The following SIPA1L1 variants were observed in gnomAD, a reference collection of about 807,000 sequenced individuals.
SIPA1L1 encodes signal induced proliferation associated 1 like 1.
Under a neutral mutation model 162.7 loss-of-function variants are expected in SIPA1L1, and 26 were observed. That is an observed-to-expected ratio of 0.16 (90% confidence interval 0.12 to 0.22). The LOEUF (loss-of-function observed/expected upper bound fraction) is 0.22, where lower values mean the gene tolerates loss of function less well. Among genes scored for constraint, SIPA1L1 ranks in the 10% least tolerant of loss-of-function variants. SIPA1L1 has a pLI of 1.00. For synonymous variants in SIPA1L1, 829 were observed against 837.4 expected (o/e 0.99, Z 0.17); for missense variants, 1,874 against 2,241.0 (o/e 0.84, Z 3.31).
intron 2 of SIPA1L1, among the ~76,000 whole-genome samples, chr14:71,479,352 T>TGTATGTAC (rs1322435640): frequency 6.6e-6 from 1 of 151,674 alleles, no homozygotes; most frequent in Non-Finnish European, 1.5e-5. Context: ...TATGTATGTA[T>TGTATGTAC]GTATGTATGT....
In SIPA1L1 at chr14:71,510,359, T is replaced by G. The variant is rs574986759; in HGVS notation, c.-464-2384T>G. The stretch of plus-strand genomic sequence containing the variant: ...CCGCCACCACGCCCAGCTAATTTTT[T>G]GTATTTTTAGTAGAGACAGGGTTTC... On this transcript the variant is annotated intron_variant, in intron 2 of 23. Transcript: ENST00000381232. 2.5e-4 allele frequency among the ~76,000 whole-genome samples: 38 copies of G among 151,904 alleles called. 1 individual carries two copies. In the South Asian group the frequency reaches 7.7e-3, roughly 31 times the overall value.
At chr14:71,501,042 C>T (rs778886100) in intron 2 of SIPA1L1, among the ~76,000 whole-genome samples, 7 of 148,406 alleles carry the variant, frequency 4.7e-5, no homozygotes, top group Admixed American at 1.3e-4. Flanking sequence ...TAAAAGGTGC[C>T]GAGTGCAGCG....
chr14:71,337,919 C>T (rs996670806), intron 2 of SIPA1L1, among the ~76,000 whole-genome samples: 14 of 152,200 alleles, frequency 9.2e-5, no homozygotes, highest in African/African-American at 3.1e-4. Context: ...GCACTCCAGC[C>T]TGGGCAGCAG....
At chr14:71,481,955 A>G (rs2048384824) in intron 2 of SIPA1L1, among the ~76,000 whole-genome samples, 1 of 152,246 alleles carries the variant, frequency 6.6e-6, no homozygotes, top group African/African-American at 2.4e-5. Flanking sequence ...AGATATATCA[A>G]AATGGTAACT....
intron 4 of SIPA1L1, among the ~76,000 whole-genome samples, chr14:71,563,770 T>G (rs1018713998): frequency 1.3e-5 from 2 of 152,218 alleles, no homozygotes; most frequent in African/African-American, 2.4e-5. Context: ...CTCCACTGTT[T>G]TCTTTGTGAA....
chr14:71,729,180 C>T (rs1033508565), intron 19 of SIPA1L1, among the ~76,000 whole-genome samples: 7 of 152,068 alleles, frequency 4.6e-5, no homozygotes, highest in Non-Finnish European at 8.8e-5. Flanking sequence ...GGATTACAGG[C>T]GTGCACCACC....
chr14:71,514,143 G>A (rs577973248), intron 3 of SIPA1L1, among the ~76,000 whole-genome samples: 3 of 152,280 alleles, frequency 2.0e-5, no homozygotes, highest in South Asian at 4.2e-4. Flanking sequence ...ACTTGGAAGC[G>A]GTGCAGTATC....
intron 2 of SIPA1L1, among the ~76,000 whole-genome samples, chr14:71,462,785 G>A (rs1331331245): frequency 1.3e-5 from 2 of 152,178 alleles, no homozygotes; most frequent in Non-Finnish European, 2.9e-5. Context: ...AATGAAAAGT[G>A]ATCAAGGTCT....
At chr14:71,510,094 C>T (rs2051001050) in intron 2 of SIPA1L1, among the ~76,000 whole-genome samples, 1 of 151,592 alleles carries the variant, frequency 6.6e-6, no homozygotes, top group South Asian at 2.1e-4. Context: ...CAGTTCTTGG[C>T]AACTTTGAAC....
chr14:71,597,052 C>T (rs2036122225), intron 5 of SIPA1L1, among the ~76,000 whole-genome samples: 1 of 152,164 alleles, frequency 6.6e-6, no homozygotes, highest in Non-Finnish European at 1.5e-5. Flanking sequence ...TCACTGCAGC[C>T]TCAAAGTCCT....
intron 2 of SIPA1L1, among the ~76,000 whole-genome samples, chr14:71,371,304 G>T (rs1346159665): frequency 6.6e-6 from 1 of 152,144 alleles, no homozygotes; most frequent in African/African-American, 2.4e-5. Flanking sequence ...TTTCTGTAAT[G>T]GATTGTTTAT....
chr14:71,646,964 C>T (rs1048515842), intron 7 of SIPA1L1, among the ~76,000 whole-genome samples: 1 of 152,154 alleles, frequency 6.6e-6, no homozygotes, highest in African/African-American at 2.4e-5. Context: ...CTTTACAACT[C>T]CATGTACATT....
chr14:71,455,647 C>T (rs891898461), intron 2 of SIPA1L1, among the ~76,000 whole-genome samples: 30 of 152,040 alleles, frequency 2.0e-4, no homozygotes, highest in Non-Finnish European at 4.0e-4. Flanking sequence ...AAGACTTTGG[C>T]ATGTAGTATT....
intron 4 of SIPA1L1, among the ~76,000 whole-genome samples, chr14:71,563,914 A>G (rs2056987666): frequency 6.6e-6 from 1 of 152,190 alleles, no homozygotes; most frequent in Non-Finnish European, 1.5e-5. Context: ...GCATACAGAA[A>G]GTGCTCAGTA....
chr14:71,564,360 TTTC>T (rs1277897991), intron 4 of SIPA1L1, among the ~76,000 whole-genome samples: 4 of 151,792 alleles, frequency 2.6e-5, no homozygotes, highest in Non-Finnish European at 4.4e-5. Context: ...TTTTTTTCTT[TTTC>T]TTCTTTTTTT....
chr14:71,690,200 T>C (rs757812715), intron 13 of SIPA1L1, among the ~76,000 whole-genome samples: 29 of 152,194 alleles, frequency 1.9e-4, no homozygotes, highest in Non-Finnish European at 3.7e-4. Context: ...TCACTGGGAA[T>C]GCTCCAGCTA....
chr14:71,463,691 G>A (rs911626176), intron 2 of SIPA1L1, among the ~76,000 whole-genome samples: 6 of 152,266 alleles, frequency 3.9e-5, no homozygotes, highest in Middle Eastern at 6.8e-3. Context: ...GCTCAAGTCC[G>A]GAAATTGATT....
At chr14:71,733,610 T>G (rs2085006027) in intron 20 of SIPA1L1, 56 bp from the exon 21 acceptor site, 3 of 1,574,802 alleles carry the variant, frequency 1.9e-6, no homozygotes, top group Non-Finnish European at 2.6e-6. Context: ...GAGGTAAGTT[T>G]TGAGTGGCTC....
chr14:71,429,664 A>T (rs1473950887), intron 2 of SIPA1L1, among the ~76,000 whole-genome samples: 2 of 152,082 alleles, frequency 1.3e-5, no homozygotes, highest in Non-Finnish European at 2.9e-5. Flanking sequence ...TGTAATAGAC[A>T]CTCTCGAATT....
Sources: allele counts gnomAD v4.1 joint callset (sites outside exome capture counted in the v4.1 genomes callset), GRCh38; gene constraint gnomAD v4.1.1; transcripts MANE v1.5; gene names NCBI Gene and HGNC (gene_info 2026-07-23, HGNC 2026-07-21).